Variants in PAN3 observed in about 807,000 individuals in gnomAD.
PAN3 encodes the protein PAN2-PAN3 deadenylation complex subunit PAN3.
In PAN3, 19 loss-of-function variants were observed where a neutral mutation model predicts 96.2. That is an observed-to-expected ratio of 0.20 (90% confidence interval 0.14 to 0.29). The LOEUF is 0.29. PAN3 is among the 10% of genes least tolerant of loss of function. PAN3 has a pLI of 1.00. For synonymous variants in PAN3, 433 were observed against 406.6 expected (o/e 1.06, Z -0.78); for missense variants, 882 against 1,108.1 (o/e 0.80, Z 2.90).
At chr13:28,139,163 G>C (rs1305461310) in intron 1 of PAN3, 76 bp downstream of exon 1, 1 of 1,238,740 alleles carries the variant, frequency 8.1e-7, no homozygotes, top group Non-Finnish European at 1.0e-6. Flanking sequence ...GCTGCCGACG[G>C]GAGCTGAGCA....
At chr13:28,198,690 G>A (rs1481377241) in intron 5 of PAN3, among the ~76,000 whole-genome samples, 1 of 152,132 alleles carries the variant, frequency 6.6e-6, no homozygotes, top group African/African-American at 2.4e-5. Flanking sequence ...TTTAGCCAGA[G>A]GTAGAATGTC....
chr13:28,141,274 GGATTACA>G (rs1450354450), intron 1 of PAN3, among the ~76,000 whole-genome samples: 5 of 151,218 alleles, frequency 3.3e-5, no homozygotes, highest in Non-Finnish European at 5.9e-5. Flanking sequence ...CAAAGTGCTG[GGATTACA>G]GGTGTGAGCC....
chr13:28,270,549 C>T lies in PAN3; in HGVS notation c.1793-152C>T, dbSNP rs1338662041. The T allele has an allele frequency of 7.3e-6, 5 of 683,242 alleles. No individual in the cohort carries two copies. The East Asian group carries it at 1.6e-4, about 22-fold the overall frequency. 42.3% of individuals were successfully genotyped at this position (683,242 alleles called of 1,614,324 possible). On this transcript the variant is annotated intron_variant, in intron 12 of 18. Transcript: ENST00000380958. ...AGGAATCTTTGGGCAATAGACTAAA[C>T]TTAAATTACACACATACATACACAC...
chr13:28,208,314 T>C (rs2138305150), intron 5 of PAN3, among the ~76,000 whole-genome samples: 1 of 152,300 alleles, frequency 6.6e-6, no homozygotes, highest in South Asian at 2.1e-4. Context: ...TGGAATGTTG[T>C]GATAGTCTCA....
intron 6 of PAN3, among the ~76,000 whole-genome samples, chr13:28,232,297 A>C (rs1882653790): frequency 6.6e-6 from 1 of 152,210 alleles, no homozygotes; most frequent in East Asian, 1.9e-4. Context: ...TAAAGAGCAT[A>C]GTCTTTGAAT....
At chr13:28,252,149 A>G (rs1220572582) in intron 6 of PAN3, among the ~76,000 whole-genome samples, 8 of 149,896 alleles carry the variant, frequency 5.3e-5, no homozygotes, top group African/African-American at 1.7e-4. Context: ...CAGCCTCCCA[A>G]AGTGCTGGGA....
intron 13 of PAN3, among the ~76,000 whole-genome samples, chr13:28,271,383 T>C (rs1201366777): frequency 2.0e-5 from 3 of 152,216 alleles, no homozygotes; most frequent in African/African-American, 7.2e-5. Flanking sequence ...TGCTGTAATT[T>C]TGTGATTGTC....
intron 5 of PAN3, among the ~76,000 whole-genome samples, chr13:28,216,942 C>A (rs992624300): frequency 6.7e-6 from 1 of 150,250 alleles, no homozygotes; most frequent in Non-Finnish European, 1.5e-5. Flanking sequence ...ATGGTGAAAC[C>A]CCATCTCCAC....
intron 9 of PAN3, 130 bp from the exon 10 acceptor site, chr13:28,266,585 C>A: frequency 1.6e-6 from 1 of 623,688 alleles, no homozygotes; most frequent in Non-Finnish European, 2.5e-6. Context: ...TAAATGTTTA[C>A]ACTATTCTAA....
At chr13:28,245,010 G>A (rs961232226) in intron 6 of PAN3, among the ~76,000 whole-genome samples, 8 of 151,842 alleles carry the variant, frequency 5.3e-5, no homozygotes, top group South Asian at 2.1e-4. Context: ...CACCACGCCC[G>A]GCTTATTTTT....
At chr13:28,269,776 T>C (rs76500158) in intron 12 of PAN3, among the ~76,000 whole-genome samples, 2,992 of 152,294 alleles carry the variant, frequency 0.02, 111 homozygotes, top group African/African-American at 0.067. Context: ...TCTGTCCAAA[T>C]TGAGAGATAA....
rs1467241094 is a variant in PAN3 at position 28,256,283 on chromosome 13, C to CTGA, written c.1001-8_1001-7insGAT. 2 of 1,606,150 alleles carry CTGA rather than the reference C, an allele frequency of 1.2e-6. No homozygotes were observed. The highest frequency in any genetic ancestry group is 1.7e-4 in the Middle Eastern group (1 of 6,008). On this transcript the variant is annotated splice_polypyrimidine_tract_variant and intron_variant, in intron 6 of 18. Coordinates refer to ENST00000380958, the MANE Select transcript of PAN3 (RefSeq NM_175854.8). The stretch of plus-strand genomic sequence containing the variant: ...GCTCCATTAAGAAACATTTTTACAT[C>CTGA]TTCTTCAGGAATGTCGTTGTCTGCT...
chr13:28,263,280 G>A (rs553088386), intron 9 of PAN3, among the ~76,000 whole-genome samples: 1 of 152,160 alleles, frequency 6.6e-6, no homozygotes, highest in Non-Finnish European at 1.5e-5. Flanking sequence ...GATAAAGTTG[G>A]CAAATAAGTG....
chr13:28,230,128 G>T (rs1882387891), intron 6 of PAN3, among the ~76,000 whole-genome samples: 1 of 151,006 alleles, frequency 6.6e-6, no homozygotes, highest in Non-Finnish European at 1.5e-5. Flanking sequence ...TGTGAATAAG[G>T]TACATGAGCT....
At chr13:28,237,118 C>T (rs1206042785) in intron 6 of PAN3, among the ~76,000 whole-genome samples, 1 of 151,860 alleles carries the variant, frequency 6.6e-6, no homozygotes, top group African/African-American at 2.4e-5. Context: ...TTAAAATTAG[C>T]ATTGTTAGGC....
In PAN3 at chr13:28,197,237, CAAA is replaced by C. The variant is rs765282758; in HGVS notation, c.744_746del (p.Lys249del). The C allele has an allele frequency of 1.2e-6, 2 of 1,613,436 alleles. No homozygotes were observed. The highest frequency in any genetic ancestry group is 4.5e-5 in the East Asian group (2 of 44,840). On this transcript the variant is annotated inframe_deletion, in exon 5 of 19. Transcript: ENST00000380958. ...GAGGAGAGGCTAGTTCCGATGGGATCAAAGGCACGAAAAGCAAAGAACCCTATT... is the reference window on the plus strand; with the variant it reads ...GAGGAGAGGCTAGTTCCGATGGGATCGGCACGAAAAGCAAAGAACCCTATT...
chr13:28,285,540 C>A (rs1429672485), intron 17 of PAN3, among the ~76,000 whole-genome samples: 1 of 152,026 alleles, frequency 6.6e-6, no homozygotes, highest in African/African-American at 2.4e-5. Context: ...ACAGGTGAAC[C>A]CCTTTAATCT....
intron 6 of PAN3, among the ~76,000 whole-genome samples, chr13:28,235,686 C>CACACAT (rs1379362865): frequency 9.7e-4 from 120 of 123,944 alleles, no homozygotes; most frequent in South Asian, 5.5e-3. Context: ...CTAATATACA[C>CACACAT]ACACACACAT....
chr13:28,179,967 T>C (rs1194425473), intron 4 of PAN3, among the ~76,000 whole-genome samples: 1 of 152,144 alleles, frequency 6.6e-6, no homozygotes, highest in Non-Finnish European at 1.5e-5. Flanking sequence ...GAAATGTTAC[T>C]AGAAATTTGA....
Sources: allele counts gnomAD v4.1 joint callset (sites outside exome capture counted in the v4.1 genomes callset), GRCh38; gene constraint gnomAD v4.1.1; transcripts MANE v1.5; gene names NCBI Gene and HGNC (gene_info 2026-07-23, HGNC 2026-07-21).